Variants in SFI1 observed in about 807,000 individuals in gnomAD.
SFI1 encodes the protein protein SFI1 homolog.
A neutral mutation model predicts 207.5 loss-of-function variants in SFI1; 195 were observed. That is an observed-to-expected ratio of 0.94 (90% CI 0.84 to 1.06). SFI1 has a LOEUF of 1.06. SFI1 is among the 50% of genes least tolerant of loss of function. SFI1 has a pLI of 0.00. For missense variants in SFI1, 1,634 were observed against 1,588.0 expected (o/e 1.03, Z -0.49); for synonymous variants, 630 against 598.9 (o/e 1.05, Z -0.76).
At chr22:31,615,578 T>C in intron 29 of SFI1, 1 of 325,978 alleles carries the variant, frequency 3.1e-6, no homozygotes, top group Non-Finnish European at 5.5e-6. Context: ...CAGGCCACAG[T>C]GAGAAGTAGC....
chr22:31,590,080 C>T (rs980027573), intron 15 of SFI1, among the ~76,000 whole-genome samples: 1 of 151,658 alleles, frequency 6.6e-6, no homozygotes, highest in Admixed American at 6.6e-5. Flanking sequence ...GATCTGCCCA[C>T]GCAGGCAGGC....
intron 2 of SFI1, among the ~76,000 whole-genome samples, chr22:31,509,717 G>A (rs5753667): frequency 0.69 from 105,558 of 151,966 alleles, 37,015 homozygotes; most frequent in Middle Eastern, 0.75. Context: ...AACCATCACA[G>A]TGGTTTTTAT....
chr22:31,575,318 A>G lies in SFI1; in HGVS notation c.1010A>G (p.Tyr337Cys). ...QQAWERRESL[Y>C]AHHAQVEKLA... is the part of the protein sequence containing the mutation. ...GCCTGGGAGCGGAGGGAGAGCTTGTACGCTCACCATGCCCAGGTGGAGAAA... is the reference window on the plus strand; with the variant it reads ...GCCTGGGAGCGGAGGGAGAGCTTGTGCGCTCACCATGCCCAGGTGGAGAAA... The change falls in exon 10 of 33, where the codon TAC becomes TGC. Residue 337 changes from tyrosine to cysteine, a missense_variant. Physicochemically the swap from Tyr to Cys is radical, Grantham distance 194. Coordinates refer to ENST00000400288, the MANE Select transcript of SFI1 (RefSeq NM_001007467.3). 6.2e-7 allele frequency: 1 copy of G among 1,613,546 alleles called. No homozygotes were observed. The highest frequency in any genetic ancestry group is 8.5e-7 in the Non-Finnish European group (1 of 1,179,862).
Position 31,613,461 on chromosome 22 carries a change from G to T in SFI1, c.2673G>T (p.Thr891=). The T allele has an allele frequency of 6.2e-7, 1 of 1,604,230 alleles. No individual in the cohort carries two copies. The highest frequency in any genetic ancestry group is 2.2e-5 in the East Asian group (1 of 44,830). ...GGCAGCTCCTCCAGGAGGGTGCCACGCGGCTCCTGCGCTTTGCAGCCAGCA... is the reference window on the plus strand; with the variant it reads ...GGCAGCTCCTCCAGGAGGGTGCCACTCGGCTCCTGCGCTTTGCAGCCAGCA... The part of the protein sequence containing the change: ...YQGQLLQEGA[T]RLLRFAASMK... The change falls in exon 26 of 33, where the codon ACG becomes ACT. Residue 891 remains threonine (T), a synonymous_variant. Transcript: ENST00000400288.
chr22:31,554,089 C>T (rs558988999), intron 6 of SFI1, among the ~76,000 whole-genome samples: 61 of 151,654 alleles, frequency 4.0e-4, no homozygotes, highest in African/African-American at 1.3e-3. Context: ...TCTCCCACTT[C>T]GGCTTCCCAA....
At chr22:31,603,705 G>C in intron 17 of SFI1, 39 bp from the exon 18 acceptor site, 5 of 1,485,670 alleles carry the variant, frequency 3.4e-6, no homozygotes, top group Non-Finnish European at 4.4e-6. Context: ...CCCTCACTGG[G>C]TGGGGGCTGC....
chr22:31,535,250 C>G (rs1287678902), intron 4 of SFI1, among the ~76,000 whole-genome samples: 1 of 147,536 alleles, frequency 6.8e-6, no homozygotes, highest in Non-Finnish European at 1.5e-5. Context: ...AGTGCAATGA[C>G]GCGATCTCGG....
chr22:31,585,000 C>A, intron 13 of SFI1, 68 bp from the exon 14 acceptor site: 2 of 1,433,590 alleles, frequency 1.4e-6, no homozygotes, highest in South Asian at 1.2e-5. Context: ...AACTGTACCG[C>A]AATTTACCTG....
chr22:31,512,517 A>C, intron 2 of SFI1, among the ~76,000 whole-genome samples: 1 of 151,710 alleles, frequency 6.6e-6, no homozygotes, highest in Non-Finnish European at 1.5e-5. Flanking sequence ...TTTATTTATT[A>C]TTACTATTTT....
chr22:31,565,139 A>G (rs897683014), intron 8 of SFI1, among the ~76,000 whole-genome samples: 1 of 152,048 alleles, frequency 6.6e-6, no homozygotes, highest in South Asian at 2.1e-4. Flanking sequence ...TTTTTAAAGT[A>G]ACAAAATTTA....
chr22:31,617,856 GGA>G (rs1172522874), intron 31 of SFI1, among the ~76,000 whole-genome samples: 3 of 152,190 alleles, frequency 2.0e-5, no homozygotes, highest in Non-Finnish European at 4.4e-5. Flanking sequence ...CTGCACAGGG[GGA>G]GAGAGACAAG....
At chr22:31,520,306 T>C (rs966853193) in intron 2 of SFI1, among the ~76,000 whole-genome samples, 8 of 152,098 alleles carry the variant, frequency 5.3e-5, no homozygotes, top group African/African-American at 1.2e-4. Context: ...TTCTTCACGG[T>C]TTTATTACCC....
intron 12 of SFI1, 136 bp downstream of exon 12, chr22:31,580,500 C>G (rs973229754): frequency 1.8e-6 from 1 of 554,734 alleles, no homozygotes; most frequent in South Asian, 2.4e-5. Flanking sequence ...AGACTGTCAA[C>G]TGTAAAACCT....
chr22:31,544,755 C>CA (rs933828267), intron 4 of SFI1, among the ~76,000 whole-genome samples: 22 of 151,172 alleles, frequency 1.5e-4, no homozygotes, highest in Admixed American at 1.2e-3. Context: ...ACCCTGTCTC[C>CA]AAAAAAAAGT....
intron 3 of SFI1, chr22:31,530,841 G>A (rs1363210189): frequency 1.8e-6 from 1 of 549,334 alleles, no homozygotes; most frequent in Non-Finnish European, 3.3e-6. Flanking sequence ...AATTTATGTT[G>A]AAAATATTTT....
chr22:31,611,009 G>A (rs963749065), intron 22 of SFI1, 134 bp from the exon 23 acceptor site: 2 of 1,169,460 alleles, frequency 1.7e-6, no homozygotes, highest in South Asian at 1.4e-5. Flanking sequence ...TCCATGTGTG[G>A]TAGTTTCACC....
intron 14 of SFI1, 52 bp from the exon 15 acceptor site, chr22:31,589,395 T>A: frequency 2.1e-6 from 3 of 1,461,242 alleles, no homozygotes; most frequent in African/African-American, 2.9e-5. Context: ...TGAGAGGTCA[T>A]GTTTAAAAAA....
chr22:31,528,154 G>C (rs533616157), intron 2 of SFI1, among the ~76,000 whole-genome samples: 24 of 151,194 alleles, frequency 1.6e-4, no homozygotes, highest in Non-Finnish European at 3.1e-4. Context: ...TCATGGTGGT[G>C]CATGCCTGTA....
chr22:31,612,394 A>ATACATACAT (rs1367477107), intron 24 of SFI1: 1 of 107,360 alleles, frequency 9.3e-6, no homozygotes, highest in African/African-American at 3.7e-5. Flanking sequence ...AAAAAAAAAA[A>ATACATACAT]AAAAATATAT....
Sources: gnomAD v4.1 joint callset for allele counts (sites outside exome capture counted in the v4.1 genomes callset) on GRCh38, gnomAD v4.1.1 for gene constraint, MANE v1.5 for transcripts, NCBI Gene and HGNC (gene_info 2026-07-23, HGNC 2026-07-21) for gene names.